Variants in SPART observed in about 807,000 individuals in gnomAD.
SPART encodes spartin.
A neutral mutation model predicts 58.7 loss-of-function variants in SPART; 35 were observed. That is an observed-to-expected ratio of 0.60 (90% CI 0.46 to 0.79). SPART has a LOEUF of 0.79. Among genes scored for constraint, SPART ranks in the 30% least tolerant of loss-of-function variants. The pLI is 0.00. For missense variants in SPART, 730 were observed against 786.1 expected (o/e 0.93, Z 0.85); for synonymous variants, 284 against 280.7 (o/e 1.01, Z -0.12).
intron 1 of SPART, among the ~76,000 whole-genome samples, chr13:36,352,432 G>A (rs144349496): frequency 8.9e-4 from 136 of 152,272 alleles, no homozygotes; most frequent in African/African-American, 3.0e-3. Flanking sequence ...ACAGAGTGGT[G>A]GAGTGGGATT....
intron 1 of SPART, among the ~76,000 whole-genome samples, chr13:36,336,868 C>G (rs1028486329): frequency 1.6e-4 from 24 of 152,284 alleles, no homozygotes; most frequent in Admixed American, 2.6e-4. Context: ...TGAATCTCAC[C>G]AATTCTTTGA....
intron 1 of SPART, among the ~76,000 whole-genome samples, chr13:36,343,863 A>G (rs1884799402): frequency 6.6e-6 from 1 of 152,094 alleles, no homozygotes; most frequent in East Asian, 1.9e-4. Context: ...CAGTTCATGG[A>G]TCAGAAGATT....
intron 8 of SPART, among the ~76,000 whole-genome samples, chr13:36,307,692 C>T (rs999712860): frequency 2.0e-5 from 3 of 151,884 alleles, no homozygotes; most frequent in East Asian, 1.9e-4. Flanking sequence ...GGTACTATAC[C>T]GCAATTAAGT....
rs1566104304 is a variant in SPART at position 36,304,633 on chromosome 13, C to G, written c.1734-1G>C. ...AGCTTCTCCTGCATTATATCCGTAT[C>G]TTTAAAAGAAAGATTAGAGGACATA... On this transcript the variant is annotated splice_acceptor_variant, in intron 8 of 8. Transcript: ENST00000438666. LOFTEE classifies it high-confidence loss of function. 6.2e-7 allele frequency: 1 copy of G among 1,613,618 alleles called. No homozygotes were observed. Among genetic ancestry groups the G allele is most frequent in the Non-Finnish European group, 8.5e-7 (1 of 1,179,798 alleles).
In SPART at chr13:36,302,867, C is replaced by T. The variant is rs933834991; in HGVS notation, c.*1498G>A. On this transcript the variant is annotated 3_prime_UTR_variant, in exon 9 of 9. Transcript: ENST00000438666. ...TTTTCGTACCCATTAATCAACCTCACTTCCCTCCCCATCCCTTCAATGCCT... is the reference window on the plus strand; with the variant it reads ...TTTTCGTACCCATTAATCAACCTCATTTCCCTCCCCATCCCTTCAATGCCT... 1 of 152,106 alleles carries T rather than the reference C, an allele frequency of 6.6e-6. No homozygotes were observed. Among genetic ancestry groups the T allele is most frequent in the African/African-American group, 2.4e-5 (1 of 41,428 alleles). The allele number at this position is 152,106 out of a possible 1,614,324, so 9.4% of individuals were successfully genotyped here.
At chr13:36,328,540 T>C (rs1883170698) in intron 4 of SPART, among the ~76,000 whole-genome samples, 1 of 152,232 alleles carries the variant, frequency 6.6e-6, no homozygotes, top group Non-Finnish European at 1.5e-5. Context: ...CTGCATCTTC[T>C]ATCTAATAGC....
chr13:36,362,324 C>T (rs1347818748), intron 1 of SPART, among the ~76,000 whole-genome samples: 4 of 138,584 alleles, frequency 2.9e-5, no homozygotes, highest in Non-Finnish European at 6.0e-5. Flanking sequence ...TGCACTCCAG[C>T]CTAGGTGACA....
chr13:36,306,638 AACT>A (rs1160841020), intron 8 of SPART, among the ~76,000 whole-genome samples: 2 of 152,300 alleles, frequency 1.3e-5, no homozygotes, highest in African/African-American at 2.4e-5. Flanking sequence ...CAGTTCTAAA[AACT>A]ACATTGTCTT....
intron 1 of SPART, among the ~76,000 whole-genome samples, chr13:36,357,173 C>CGTAA (rs967191089): frequency 6.6e-6 from 1 of 152,184 alleles, no homozygotes; most frequent in Admixed American, 6.5e-5. Context: ...CCCGCTCTTA[C>CGTAA]AACCATGGAT....
chr13:36,336,446 G>A (rs1003875819), intron 1 of SPART: 1 of 152,360 alleles, frequency 6.6e-6, no homozygotes, highest in Non-Finnish European at 1.5e-5. Context: ...TCTTTAAAAA[G>A]CATCTGAAAA....
In SPART at chr13:36,357,167, C is replaced by T. The variant is rs567945664; in HGVS notation, c.-3+12922G>A. Among the ~76,000 whole-genome samples the T allele has an allele frequency of 2.8e-4, 43 of 152,300 alleles. 1 individual carries two copies. In the South Asian group the frequency reaches 8.5e-3, roughly 30 times the overall value. On this transcript the variant is annotated intron_variant, in intron 1 of 8. Transcript: ENST00000355182. ...GTGAGGCAGAGCGTGGATGCTCCCG[C>T]TCTTACAACCATGGATACCTAATCA...
At chr13:36,348,450 A>G (rs1288457143), upstream of SPART, among the ~76,000 whole-genome samples, 2 of 152,278 alleles carry the variant, frequency 1.3e-5, no homozygotes, top group Admixed American at 1.3e-4. Flanking sequence ...AAATTGTTAT[A>G]TATAGAAAAC....
In SPART at chr13:36,304,111, G is replaced by A; in HGVS notation, c.*254C>T. On this transcript the variant is annotated 3_prime_UTR_variant, in exon 9 of 9. Coordinates refer to ENST00000438666, the MANE Select transcript of SPART (RefSeq NM_015087.5). ...ATGTACTATCAGCTTTATTTTACCT[G>A]CAAAAATATTTTAGCTACACTTGGA... The A allele has an allele frequency of 3.7e-6, 2 of 536,066 alleles. No homozygotes were observed. The highest frequency in any genetic ancestry group is 3.4e-5 in the East Asian group (1 of 29,710). 33.2% of individuals were successfully genotyped at this position (536,066 alleles called of 1,614,324 possible). A position where few individuals can be genotyped will look rare whatever the true frequency, so the allele number is the denominator to read the frequency against.
chr13:36,326,498 C>T lies in SPART; in HGVS notation c.1288+77G>A. 4 of 1,542,116 alleles carry T rather than the reference C, an allele frequency of 2.6e-6. No homozygotes were observed. The South Asian group carries it at 4.5e-5, about 17-fold the overall frequency. ...ACAAAATATTATCTTTCTCAGTATT[C>T]CCTAATAAACAATATCTTTATTTGG... On this transcript the variant is annotated intron_variant, in intron 5 of 8. Coordinates refer to ENST00000438666, the MANE Select transcript of SPART (RefSeq NM_015087.5).
At chr13:36,321,365 T>C (rs536016115) in intron 5 of SPART, among the ~76,000 whole-genome samples, 14 of 152,344 alleles carry the variant, frequency 9.2e-5, no homozygotes, top group South Asian at 4.1e-4. Context: ...GGCAGGACTA[T>C]GCTGAATCTC....
chr13:36,305,331 G>A (rs913836477), intron 8 of SPART, among the ~76,000 whole-genome samples: 3 of 151,990 alleles, frequency 2.0e-5, no homozygotes, highest in South Asian at 2.1e-4. Flanking sequence ...CTTGACAATC[G>A]ATTCCCCTTT....
At position 36,331,464 on chromosome 13, in the gene SPART, A is replaced by G. The variant is rs1436372172; in HGVS notation, c.943T>C (p.Leu315=). 6.2e-7 allele frequency: 1 copy of G among 1,613,912 alleles called. No individual in the cohort carries two copies. The highest frequency in any genetic ancestry group is 8.5e-7 in the Non-Finnish European group (1 of 1,179,946). The change falls in exon 3 of 9, where the codon TTA becomes CTA. Residue 315 remains leucine, a synonymous_variant. Coordinates refer to ENST00000438666, the MANE Select transcript of SPART (RefSeq NM_015087.5). ...CFVGVVLSSE[L]PEDDRELFED... ...AAGAGCTCTCTATCATCCTCTGGTA[A>G]CTCAGAGGACAGGACGACCCCCACA...
intron 5 of SPART, among the ~76,000 whole-genome samples, chr13:36,315,830 T>A (rs964986258): frequency 6.6e-6 from 1 of 152,056 alleles, no homozygotes; most frequent in Non-Finnish European, 1.5e-5. Flanking sequence ...GAGACTATAA[T>A]CCTATAATGA....
chr13:36,315,144 C>T (rs1881560140), intron 5 of SPART, among the ~76,000 whole-genome samples: 2 of 152,182 alleles, frequency 1.3e-5, no homozygotes, highest in African/African-American at 4.8e-5. Context: ...CTTTGCTTTG[C>T]TTATGTTCTC....
Sources: allele counts gnomAD v4.1 joint callset (sites outside exome capture counted in the v4.1 genomes callset), GRCh38; gene constraint gnomAD v4.1.1; transcripts MANE v1.5; gene names NCBI Gene and HGNC (gene_info 2026-07-23, HGNC 2026-07-21).